Variants in PLEKHH3 observed in about 807,000 individuals in gnomAD.
PLEKHH3 encodes pleckstrin homology domain-containing family H member 3.
A neutral mutation model predicts 77.8 loss-of-function variants in PLEKHH3; 57 were observed. That is an observed-to-expected ratio of 0.73 (90% confidence interval 0.59 to 0.91). PLEKHH3 has a LOEUF of 0.91. Among genes scored for constraint, PLEKHH3 ranks in the 40% least tolerant of loss-of-function variants. The pLI is 0.00. For synonymous variants in PLEKHH3, 467 were observed against 504.8 expected (o/e 0.93, Z 1.00); for missense variants, 1,082 against 1,091.2 (o/e 0.99, Z 0.12).
Position 42,671,263 on chromosome 17 carries a change from G to A in PLEKHH3, c.1284+88C>T. The A allele has an allele frequency of 6.5e-7, 1 of 1,542,570 alleles. No individual in the cohort carries two copies. The highest frequency in any genetic ancestry group is 8.8e-7 in the Non-Finnish European group (1 of 1,138,044). Reference sequence around the variant, plus strand: ...CTTACCAAAATAATCTAGACTCGGGGCAAACCTAGGGTCCAGGAAGAGGGA... The same window carrying A: ...CTTACCAAAATAATCTAGACTCGGGACAAACCTAGGGTCCAGGAAGAGGGA... On this transcript the variant is annotated intron_variant, in intron 8 of 12. Transcript: ENST00000591022. This position sits in a 1 kb window ranked among gnomAD's most constrained non-coding sequence, Gnocchi z 4.7.
Position 42,676,291 on chromosome 17 carries a change from A to T in PLEKHH3, c.162+111T>A. 1 of 1,530,488 alleles carries T rather than the reference A, an allele frequency of 6.5e-7. No homozygotes were observed. Among genetic ancestry groups the T allele is most frequent in the Non-Finnish European group, 8.8e-7 (1 of 1,139,950 alleles). 94.8% of individuals were successfully genotyped at this position (1,530,488 alleles called of 1,614,324 possible). A position where few individuals can be genotyped will look rare whatever the true frequency, so the allele number is the denominator to read the frequency against. On this transcript the variant is annotated intron_variant, in intron 1 of 12. Coordinates refer to ENST00000591022, the MANE Select transcript of PLEKHH3 (RefSeq NM_024927.5). This position sits in a 1 kb window ranked among gnomAD's most constrained non-coding sequence, Gnocchi z 6.6. ...GCCCCCAGGCAAAAAACTCTCCCTC[A>T]TCCCTAGTTCGCCAAGCGCGCAGCG...
Position 42,669,536 on chromosome 17 carries a change from G to A in PLEKHH3, c.2099C>T (p.Pro700Leu). The A allele has an allele frequency of 1.9e-6, 3 of 1,611,748 alleles. No individual in the cohort carries two copies. Among genetic ancestry groups the A allele is most frequent in the Non-Finnish European group, 2.5e-6 (3 of 1,178,838 alleles). Reference sequence around the variant, plus strand: ...ATGGCCATAGCTGACACTGTGGATGGGCTCCGTCTCCCCTGGCCGGGAGAG... The same window carrying A: ...ATGGCCATAGCTGACACTGTGGATGAGCTCCGTCTCCCCTGGCCGGGAGAG... ...MSLSRPGETE[P>L]IHSVSYGHVA... Residue 700 changes from proline (P) to leucine (L), a missense_variant, in exon 12 of 13, where the codon CCC becomes CTC. Transcript: ENST00000591022.
Position 42,668,183 on chromosome 17 carries a change from G to A in PLEKHH3, c.2326C>T (p.Pro776Ser). 2 of 1,548,626 alleles carry A rather than the reference G, an allele frequency of 1.3e-6. No individual in the cohort carries two copies. Among genetic ancestry groups the A allele is most frequent in the African/African-American group, 1.4e-5 (1 of 70,472 alleles). The change falls in exon 13 of 13, where the codon CCG becomes TCG. Residue 776 changes from proline (P) to serine (S), a missense_variant. Coordinates refer to ENST00000591022, the MANE Select transcript of PLEKHH3 (RefSeq NM_024927.5). ...TGTCCCTGGGGCTCGTCCAGGCCCG[G>A]GCGCTGGCTGGGAGGGGAGGTGTCT... ...LPDTSPPSQRPGLDEPQGQSG... is the reference protein window; with the variant it reads ...LPDTSPPSQRSGLDEPQGQSG...
intron 1 of PLEKHH3, among the ~76,000 whole-genome samples, 157 bp from the exon 2 acceptor site, chr17:42,674,566 C>T (rs1217383289): frequency 6.6e-6 from 1 of 152,196 alleles, no homozygotes; most frequent in South Asian, 2.1e-4. Context: ...CCCCTGGGCT[C>T]GCCCCTCCCG....
chr17:42,670,983 T>C lies in PLEKHH3; in HGVS notation c.1421+11A>G. ...GGCTAATAGAGAGCAGGGCTGGGGCTGGACATTTACTTCTCAAACCTGGTG... is the reference window on the plus strand; with the variant it reads ...GGCTAATAGAGAGCAGGGCTGGGGCCGGACATTTACTTCTCAAACCTGGTG... On this transcript the variant is annotated intron_variant, in intron 9 of 12. Transcript: ENST00000591022. The C allele has an allele frequency of 6.2e-7, 1 of 1,608,668 alleles. No individual in the cohort carries two copies. The highest frequency in any genetic ancestry group is 8.5e-7 in the Non-Finnish European group (1 of 1,178,602).
chr17:42,675,959 G>C (rs771311373), intron 1 of PLEKHH3: 6 of 1,036,998 alleles, frequency 5.8e-6, no homozygotes, highest in Non-Finnish European at 7.0e-6. Context: ...TCTCCCCCTC[G>C]TCCAGGTCTC....
rs373630449 is a variant in PLEKHH3, at chr17:42,669,580, C to T, written c.2055G>A (p.Leu685=). The T allele has an allele frequency of 1.9e-6, 3 of 1,610,686 alleles. No individual in the cohort carries two copies. Among genetic ancestry groups the T allele is most frequent in the African/African-American group, 2.7e-5 (2 of 74,896 alleles). The change falls in exon 12 of 13, where the codon TTG becomes TTA. Residue 685 remains leucine, a synonymous_variant. Transcript: ENST00000591022. ...RGAPQKLCLG[L]GAKAMSLSRP... is the part of the protein sequence containing the mutation. ...GGGAGAGGGACATGGCCTTGGCTCC[C>T]AAGCCCAGGCACAGCTTCTGTGGAG...
intron 9 of PLEKHH3, 40 bp downstream of exon 9, chr17:42,670,954 G>T (rs1291967402): frequency 6.3e-7 from 1 of 1,591,430 alleles, no homozygotes. Flanking sequence ...CTGAGAAGTG[G>T]ATGGGCTAAT....
chr17:42,676,269 C>T lies in PLEKHH3; in HGVS notation c.162+133G>A. The stretch of plus-strand genomic sequence containing the variant: ...CCGAGAGCTCCCGGGGGCTTTGGCC[C>T]CCAGGCAAAAAACTCTCCCTCATCC... On this transcript the variant is annotated intron_variant, in intron 1 of 12. Transcript: ENST00000591022. This position sits in a 1 kb window ranked among gnomAD's most constrained non-coding sequence, Gnocchi z 6.6. 7 of 1,465,398 alleles carry T rather than the reference C, an allele frequency of 4.8e-6. No homozygotes were observed. Among genetic ancestry groups the T allele is most frequent in the Admixed American group, 2.5e-5 (1 of 40,376 alleles). 90.8% of individuals were successfully genotyped at this position (1,465,398 alleles called of 1,614,324 possible). A position where few individuals can be genotyped will look rare whatever the true frequency, so the allele number is the denominator to read the frequency against.
rs1211747533 is a variant in PLEKHH3, at chr17:42,671,457, G to A, written c.1178C>T (p.Ala393Val). Residue 393 changes from alanine to valine, a missense_variant, in exon 8 of 13, where the codon GCG becomes GTG. By Grantham distance (64) the Ala-to-Val change is moderately conservative. Coordinates refer to ENST00000591022, the MANE Select transcript of PLEKHH3 (RefSeq NM_024927.5). This position sits in a 1 kb window ranked among gnomAD's most constrained non-coding sequence, Gnocchi z 4.7. ...TRGRELVPSL[A>V]EISALSQRQE... ...CCGTTGGCTCAACGCGGAAATCTCC[G>A]CCAGCGAGGGCACCAGCTCTCTGCC... The A allele has an allele frequency of 6.2e-7, 1 of 1,613,108 alleles. No homozygotes were observed. The highest frequency in any genetic ancestry group is 8.5e-7 in the Non-Finnish European group (1 of 1,180,006).
Position 42,668,175 on chromosome 17 carries a change from C to A in PLEKHH3, c.2334G>T (p.Leu778=). 1 of 1,531,234 alleles carries A rather than the reference C, an allele frequency of 6.5e-7. No individual in the cohort carries two copies. The highest frequency in any genetic ancestry group is 2.3e-5 in the Admixed American group (1 of 43,458). 94.9% of individuals were successfully genotyped at this position (1,531,234 alleles called of 1,614,324 possible). A position where few individuals can be genotyped will look rare whatever the true frequency, so the allele number is the denominator to read the frequency against. ...DTSPPSQRPG[L]DEPQGQSGCL... ...AGCCAGACTGTCCCTGGGGCTCGTC[C>A]AGGCCCGGGCGCTGGCTGGGAGGGG... is the stretch of plus-strand genomic sequence containing the variant. The change falls in exon 13 of 13, where the codon CTG becomes CTT. Residue 778 remains leucine (L), a synonymous_variant. Transcript: ENST00000591022.
rs771181174 is a variant in PLEKHH3 at position 42,672,328 on chromosome 17, C to T, written c.834G>A (p.Glu278=). Residue 278 remains glutamate, a synonymous_variant, in exon 7 of 13, where the codon GAG becomes GAA. Coordinates refer to ENST00000591022, the MANE Select transcript of PLEKHH3 (RefSeq NM_024927.5). Reference sequence around the variant, plus strand: ...TCAAGGGCCCGGGGCGCCGCGCCCCCTCCAGCGCCTGCAGCGCCAAGAACA... The same window carrying T: ...TCAAGGGCCCGGGGCGCCGCGCCCCTTCCAGCGCCTGCAGCGCCAAGAACA... ...VRLFLALQAL[E]GARRPGPLMQ... The T allele has an allele frequency of 2.6e-6, 4 of 1,547,108 alleles. 1 individual carries two copies. The South Asian group carries it at 4.8e-5, about 18-fold the overall frequency.
intron 6 of PLEKHH3, 66 bp downstream of exon 6, chr17:42,673,110 G>C (rs2052737441): frequency 6.9e-7 from 1 of 1,452,866 alleles, no homozygotes; most frequent in Non-Finnish European, 9.0e-7. Flanking sequence ...CCAGTTAAGG[G>C]ATTCAGATTC....
Position 42,673,743 on chromosome 17 carries a change from A to T in PLEKHH3, c.390T>A (p.Asp130Glu), listed in dbSNP as rs751641966. 115 of 1,599,690 alleles carry T rather than the reference A, an allele frequency of 7.2e-5. No homozygotes were observed. The highest frequency in any genetic ancestry group is 5.0e-4 in the Middle Eastern group (3 of 6,060). ...AWFVLTRDSL[D>E]QFSSSGKGAR... ...CCCCTTTCCCGCTGCTGCTGAACTG[A>T]TCCAGGGAGTCCCGCGTGAGCACAA... is the stretch of plus-strand genomic sequence containing the variant. The change falls in exon 4 of 13, where the codon GAT becomes GAA. Residue 130 changes from aspartate to glutamate, a missense_variant. Asp to Glu is a conservative substitution (Grantham distance 45). Coordinates refer to ENST00000591022, the MANE Select transcript of PLEKHH3 (RefSeq NM_024927.5).
In PLEKHH3 at chr17:42,674,391, G is replaced by A. The variant is rs755995491; in HGVS notation, c.181C>T (p.Leu61=). The A allele has an allele frequency of 1.3e-6, 2 of 1,595,752 alleles. No individual in the cohort carries two copies. Among genetic ancestry groups the A allele is most frequent in the Non-Finnish European group, 1.7e-6 (2 of 1,171,824 alleles). The change falls in exon 2 of 13, where the codon CTG becomes TTG. Residue 61 remains leucine (L), a synonymous_variant. Transcript: ENST00000591022. ...GGGRGPLEVT[L]TQPVRSGPVS... is the part of the protein sequence containing the mutation. The stretch of plus-strand genomic sequence containing the variant: ...GGCCCGCTCCTCACTGGCTGAGTCA[G>A]CGTCACTTCCAGGGGACCCTGGGGA...
In PLEKHH3 at chr17:42,676,547, C is replaced by A; in HGVS notation, c.17G>T (p.Gly6Val). The A allele has an allele frequency of 6.4e-7, 1 of 1,566,818 alleles. No individual in the cohort carries two copies. Among genetic ancestry groups the A allele is most frequent in the Non-Finnish European group, 8.7e-7 (1 of 1,155,976 alleles). The change falls in exon 1 of 13, where the codon GGA becomes GTA. Residue 6 changes from glycine (G) to valine (V), a missense_variant. This residue lies in a region of PLEKHH3 where 344 missense variants were observed against 320.8 expected (regional missense o/e 1.07). Transcript: ENST00000591022. This position sits in a 1 kb window ranked among gnomAD's most constrained non-coding sequence, Gnocchi z 6.6. MPLPG[G>V]LWWLLCCRRG... Reference sequence around the variant, plus strand: ...ACGGCAGCAGAGAAGCCACCATAGTCCCCCGGGGAGAGGCATCCGGGCGAG... The same window carrying A: ...ACGGCAGCAGAGAAGCCACCATAGTACCCCGGGGAGAGGCATCCGGGCGAG...
chr17:42,671,164 G>C lies in PLEKHH3; in HGVS notation c.1285-34C>G, dbSNP rs751781895. The C allele has an allele frequency of 1.3e-6, 2 of 1,542,382 alleles. No homozygotes were observed. The highest frequency in any genetic ancestry group is 2.4e-5 in the South Asian group (2 of 81,890). ...GGAGGGTGAGGGGAGACCACTCAGA[G>C]GTCTTGCCAGGATTCTGGGAGGGGT... is the stretch of plus-strand genomic sequence containing the variant. On this transcript the variant is annotated intron_variant, in intron 8 of 12. Coordinates refer to ENST00000591022, the MANE Select transcript of PLEKHH3 (RefSeq NM_024927.5). The surrounding 1 kb of genome is among the most constrained non-coding windows in gnomAD (Gnocchi z 4.7).
Position 42,670,582 on chromosome 17 carries a change from G to C in PLEKHH3, c.1545C>G (p.Leu515=), listed in dbSNP as rs1373310896. The C allele has an allele frequency of 7.5e-6, 12 of 1,609,634 alleles. No homozygotes were observed. Among genetic ancestry groups the C allele is most frequent in the Middle Eastern group, 3.3e-4 (2 of 6,052 alleles). ...CGCCGGAGAGCCTCACCTGCTCAAAGAGGAAAGGCAGTTCGTGACCGTCTG... is the reference window on the plus strand; with the variant it reads ...CGCCGGAGAGCCTCACCTGCTCAAACAGGAAAGGCAGTTCGTGACCGTCTG... ...LSPDGHELPF[L]FEQAHALLLR... is the part of the protein sequence containing the mutation. The change falls in exon 10 of 13, where the codon CTC becomes CTG. Residue 515 remains leucine, a synonymous_variant. Coordinates refer to ENST00000591022, the MANE Select transcript of PLEKHH3 (RefSeq NM_024927.5).
Position 42,670,330 on chromosome 17 carries a change from G to C in PLEKHH3, c.1601C>G (p.Thr534Arg), listed in dbSNP as rs748773054. Reference protein sequence around the residue: ...LRGRPPPPDDTLRALAALRLQ... With the variant: ...LRGRPPPPDDRLRALAALRLQ... ...GCGCAGCGCCGCCAGGGCGCGCAGC[G>C]TGTCGTCGGGTGGGGGCGGCCGGCC... Residue 534 changes from threonine to arginine, a missense_variant, in exon 11 of 13, where the codon ACG (threonine) becomes AGG (arginine). This residue lies in a region of PLEKHH3 where 733 missense variants were observed against 750.0 expected (regional missense o/e 0.98). Transcript: ENST00000591022. The C allele has an allele frequency of 1.4e-6, 2 of 1,397,414 alleles. No homozygotes were observed. Among genetic ancestry groups the C allele is most frequent in the Non-Finnish European group, 1.8e-6 (2 of 1,083,820 alleles). 86.6% of individuals were successfully genotyped at this position (1,397,414 alleles called of 1,614,324 possible).
Sources: allele counts gnomAD v4.1 joint callset (sites outside exome capture counted in the v4.1 genomes callset), GRCh38; gene constraint gnomAD v4.1.1; regional missense constraint gnomAD v4.1.1; non-coding constraint Gnocchi (gnomAD v3.1); transcripts MANE v1.5; gene names NCBI Gene and HGNC (gene_info 2026-07-23, HGNC 2026-07-21).